MRPL12: variants seen among roughly 807,000 people sequenced by gnomAD.
MRPL12 encodes mitochondrial ribosomal protein L12, also known as large ribosomal subunit protein bL12m.
A neutral mutation model predicts 21.1 loss-of-function variants in MRPL12; 13 were observed. That is an observed-to-expected ratio of 0.62 (90% CI 0.40 to 0.98). MRPL12 has a LOEUF of 0.98. Ranked by LOEUF, MRPL12 falls within the 50% of genes least tolerant of loss-of-function variation. The probability of loss-of-function intolerance (pLI) is 0.00; values close to 1 mark genes in which losing one functional copy is unlikely to be tolerated. For missense variants in MRPL12, 251 were observed against 268.6 expected (o/e 0.93, Z 0.46); for synonymous variants, 126 against 115.3 (o/e 1.09, Z -0.60).
At chr17:81,705,325 A>C (rs8081274) in intron 3 of MRPL12, among the ~76,000 whole-genome samples, 27,443 of 142,688 alleles carry the variant, frequency 0.19, 2,989 homozygotes, top group African/African-American at 0.3. Flanking sequence ...AGGGAGGCGG[A>C]GGTTGCAGTG....
intron 3 of MRPL12, 96 bp downstream of exon 3, chr17:81,704,812 C>A: frequency 9.3e-7 from 1 of 1,072,610 alleles, no homozygotes; most frequent in Non-Finnish European, 1.4e-6. Flanking sequence ...CAGCTACCGT[C>A]ATTGTCTGCA....
chr17:81,705,585 C>A (rs8066217), intron 3 of MRPL12, among the ~76,000 whole-genome samples: 1 of 151,988 alleles, frequency 6.6e-6, no homozygotes, highest in African/African-American at 2.4e-5. Context: ...GGGGAGGCAC[C>A]AAGGTCACCA....
At chr17:81,706,588 C>T (rs757926546) in intron 3 of MRPL12, among the ~76,000 whole-genome samples, 2 of 152,152 alleles carry the variant, frequency 1.3e-5, no homozygotes, top group Non-Finnish European at 2.9e-5. Flanking sequence ...GAAAAAGCAC[C>T]AGCTGGACTC....
chr17:81,704,778 C>T (rs750734829), intron 3 of MRPL12, 62 bp downstream of exon 3: 23 of 1,374,516 alleles, frequency 1.7e-5, no homozygotes, highest in South Asian at 2.6e-5. Flanking sequence ...CCTCATGTGC[C>T]GTGGTCCCGT....
chr17:81,703,936 A>T (rs1349853980), intron 1 of MRPL12, among the ~76,000 whole-genome samples: 3 of 152,238 alleles, frequency 2.0e-5, no homozygotes, highest in African/African-American at 7.2e-5. Context: ...TAGTTTCGCC[A>T]CCGCTGGGTT....
intron 1 of MRPL12, among the ~76,000 whole-genome samples, chr17:81,703,815 C>G (rs1013289224): frequency 6.6e-6 from 1 of 152,240 alleles, no homozygotes; most frequent in Non-Finnish European, 1.5e-5. Context: ...CCCTGCTCCT[C>G]CCTTGGCCTC....
chr17:81,707,375 G>GGGGCC lies in MRPL12; in HGVS notation c.*138_*142dup. 6.8e-6 allele frequency: 6 copies of GGGGCC among 887,216 alleles called. No individual in the cohort carries two copies. The highest frequency in any genetic ancestry group is 1.0e-5 in the Non-Finnish European group (6 of 588,812). 55.0% of individuals were successfully genotyped at this position (887,216 alleles called of 1,614,324 possible). On this transcript the variant is annotated 3_prime_UTR_variant, in exon 5 of 5. Coordinates refer to ENST00000333676, the MANE Select transcript of MRPL12 (RefSeq NM_002949.4). ...GGGAGAATTGCCTGCGCCACGCAGC[G>GGGGCC]GGGCCGGACAGGCCGCACAGACCTA...
intron 1 of MRPL12, among the ~76,000 whole-genome samples, chr17:81,704,035 A>G (rs1390434202): frequency 6.6e-6 from 1 of 152,212 alleles, no homozygotes; most frequent in Non-Finnish European, 1.5e-5. Flanking sequence ...TGAAGAATTT[A>G]AAGTAACTTG....
intron 3 of MRPL12, 110 bp downstream of exon 3, chr17:81,704,826 T>A: frequency 1.1e-6 from 1 of 931,578 alleles, no homozygotes; most frequent in Non-Finnish European, 1.6e-6. Context: ...GTCTGCAGCC[T>A]GCACACCTGT....
chr17:81,704,862 C>A (rs2037297932), intron 3 of MRPL12, 146 bp downstream of exon 3: 2 of 671,360 alleles, frequency 3.0e-6, no homozygotes, highest in Non-Finnish European at 5.0e-6. Context: ...CTCCTGGGAC[C>A]TACTCCCTGC....
rs1182448813 is a variant in MRPL12 at position 81,703,528 on chromosome 17, G to A, written c.27G>A (p.Leu9=). The A allele has an allele frequency of 1.3e-6, 2 of 1,481,690 alleles. No homozygotes were observed. Among genetic ancestry groups the A allele is most frequent in the Non-Finnish European group, 1.8e-6 (2 of 1,122,648 alleles). The allele number at this position is 1,481,690 out of a possible 1,614,324, so 91.8% of individuals were successfully genotyped here. MLPAAARP[L]WGPCLGLRAA... ...TGCTGCCGGCGGCCGCTCGCCCCCT[G>A]TGGGGGCCTTGCCTTGGGCTTCGGG... Residue 9 remains leucine, a synonymous_variant, in exon 1 of 5, where the codon CTG becomes CTA. Transcript: ENST00000333676.
chr17:81,707,510 G>A lies in MRPL12; in HGVS notation c.*270G>A. On this transcript the variant is annotated 3_prime_UTR_variant, in exon 5 of 5. Transcript: ENST00000333676. The stretch of plus-strand genomic sequence containing the variant: ...GTGGCTGCTGAGAAAAATACACTGT[G>A]CAGCTCAGTGTGTGGAGTGCCGTGC... 2.4e-6 allele frequency: 1 copy of A among 420,454 alleles called. No homozygotes were observed. 26.0% of individuals were successfully genotyped at this position (420,454 alleles called of 1,614,324 possible).
chr17:81,707,405 G>A lies in MRPL12; in HGVS notation c.*165G>A. 2 of 685,368 alleles carry A rather than the reference G, an allele frequency of 2.9e-6. No homozygotes were observed. Among genetic ancestry groups the A allele is most frequent in the Non-Finnish European group, 4.7e-6 (2 of 425,182 alleles). The allele number at this position is 685,368 out of a possible 1,614,324, so 42.5% of individuals were successfully genotyped here. On this transcript the variant is annotated 3_prime_UTR_variant, in exon 5 of 5. Transcript: ENST00000333676. ...CGGACAGGCCGCACAGACCTACTGT[G>A]GCGGGAGGGAGGGGCGGCTGCTGCC...
At chr17:81,704,738 G>C in intron 3 of MRPL12, 22 bp downstream of exon 3, 1 of 1,595,308 alleles carries the variant, frequency 6.3e-7, no homozygotes. Context: ...GCAGAATGAG[G>C]CATTTCTGGG....
At position 81,707,321 on chromosome 17, in the gene MRPL12, C is replaced by T; in HGVS notation, c.*81C>T. The T allele has an allele frequency of 1.5e-6, 2 of 1,345,018 alleles. No individual in the cohort carries two copies. The highest frequency in any genetic ancestry group is 1.4e-5 in the South Asian group (1 of 71,320). 83.3% of individuals were successfully genotyped at this position (1,345,018 alleles called of 1,614,324 possible). A position where few individuals can be genotyped will look rare whatever the true frequency, so the allele number is the denominator to read the frequency against. On this transcript the variant is annotated 3_prime_UTR_variant, in exon 5 of 5. Coordinates refer to ENST00000333676, the MANE Select transcript of MRPL12 (RefSeq NM_002949.4). Reference sequence around the variant, plus strand: ...CCTCCCGTGGTCACTGGCTCCGCCCCCAGCACCAGGCGCCCAGTGGAGCCG... The same window carrying T: ...CCTCCCGTGGTCACTGGCTCCGCCCTCAGCACCAGGCGCCCAGTGGAGCCG...
Position 81,707,203 on chromosome 17 carries a change from C to A in MRPL12, c.560C>A (p.Ala187Asp). The change falls in exon 5 of 5, where the codon GCC becomes GAC. Residue 187 changes from alanine (A) to aspartate (D), a missense_variant. Transcript: ENST00000333676. Reference protein sequence around the residue: ...AKAEAEKIKAALEAVGGTVVL... With the variant: ...AKAEAEKIKADLEAVGGTVVL... ...GCTGAGGCGGAGAAGATCAAGGCGG[C>A]CCTGGAGGCGGTGGGCGGCACCGTG... is the stretch of plus-strand genomic sequence containing the variant. 2 of 1,610,162 alleles carry A rather than the reference C, an allele frequency of 1.2e-6. No individual in the cohort carries two copies. Among genetic ancestry groups the A allele is most frequent in the Non-Finnish European group, 1.7e-6 (2 of 1,177,756 alleles).
chr17:81,704,038 G>C (rs371195834), intron 1 of MRPL12, among the ~76,000 whole-genome samples: 1 of 152,188 alleles, frequency 6.6e-6, no homozygotes, highest in Non-Finnish European at 1.5e-5. Flanking sequence ...AGAATTTAAA[G>C]TAACTTGCAA....
rs12937051 is a variant in MRPL12 at position 81,706,444 on chromosome 17, T to A, written c.346-462T>A. 1.8e-4 allele frequency among the ~76,000 whole-genome samples: 28 copies of A among 151,964 alleles called. No homozygotes were observed. The East Asian group carries it at 3.1e-3, about 17-fold the overall frequency. On this transcript the variant is annotated intron_variant, in intron 3 of 4. Coordinates refer to ENST00000333676, the MANE Select transcript of MRPL12 (RefSeq NM_002949.4). ...ATATTGGTCAGGCTGGTTTCAAACTTGACCTCAAGTGATCCACCCGCCTTG... is the reference window on the plus strand; with the variant it reads ...ATATTGGTCAGGCTGGTTTCAAACTAGACCTCAAGTGATCCACCCGCCTTG...
intron 1 of MRPL12, 110 bp from the exon 2 acceptor site, chr17:81,704,134 G>A: frequency 1.7e-6 from 2 of 1,147,326 alleles, no homozygotes; most frequent in Non-Finnish European, 2.4e-6. Context: ...GTGATTACCA[G>A]CCTGAGCTTA....
Sources: allele counts gnomAD v4.1 joint callset (sites outside exome capture counted in the v4.1 genomes callset), GRCh38; gene constraint gnomAD v4.1.1; transcripts MANE v1.5; gene names NCBI Gene and HGNC (gene_info 2026-07-23, HGNC 2026-07-21).